The following CFAP299 variants were observed in gnomAD, a reference collection of about 807,000 sequenced individuals.
CFAP299 encodes cilia- and flagella-associated protein 299.
Under a neutral mutation model 27.0 loss-of-function variants are expected in CFAP299, and 21 were observed. The observed-to-expected ratio is 0.78, with a 90% CI of 0.55 to 1.12. The LOEUF is 1.12. CFAP299 is among the 50% of genes most tolerant of loss of function. The pLI is 0.00. For missense variants in CFAP299, 310 were observed against 276.6 expected (o/e 1.12, Z -0.86); for synonymous variants, 104 against 98.1 (o/e 1.06, Z -0.36).
chr4:80,792,133 T>G (rs1369654860), intron 3 of CFAP299, among the ~76,000 whole-genome samples: 5 of 152,082 alleles, frequency 3.3e-5, no homozygotes, highest in African/African-American at 1.2e-4. Context: ...AGCCACTGTG[T>G]GTAAATATTA....
At chr4:80,370,592 C>T (rs1560534053) in intron 2 of CFAP299, among the ~76,000 whole-genome samples, 2 of 152,248 alleles carry the variant, frequency 1.3e-5, no homozygotes, top group South Asian at 2.1e-4. Context: ...AGAAATCGGC[C>T]AAAAGAAAGG....
At chr4:80,570,679 A>T (rs1371686870) in intron 2 of CFAP299, among the ~76,000 whole-genome samples, 1 of 152,122 alleles carries the variant, frequency 6.6e-6, no homozygotes, top group Non-Finnish European at 1.5e-5. Context: ...TTTGGAAACA[A>T]GTGGCTTTAT....
chr4:80,959,987 G>T (rs1283697382), intron 5 of CFAP299, among the ~76,000 whole-genome samples: 1 of 151,740 alleles, frequency 6.6e-6, no homozygotes, highest in Non-Finnish European at 1.5e-5. Context: ...TATATGTGAG[G>T]AAACTGTTCT....
chr4:80,339,066 C>T (rs1722306863), intron 1 of CFAP299, among the ~76,000 whole-genome samples: 1 of 152,176 alleles, frequency 6.6e-6, no homozygotes, highest in South Asian at 2.1e-4. Flanking sequence ...ATAATTTATT[C>T]CCTGCCATCT....
intron 3 of CFAP299, among the ~76,000 whole-genome samples, chr4:80,799,406 T>TTATATAATATTTATATATATAA (rs1728122087): frequency 1.2e-5 from 1 of 86,900 alleles, no homozygotes; most frequent in Non-Finnish European, 2.0e-5. Flanking sequence ...TATATATATT[T>TTATATAATATTTATATATATAA]ATACATATAA....
At chr4:80,889,889 A>G (rs1433888035) in intron 4 of CFAP299, among the ~76,000 whole-genome samples, 5 of 152,166 alleles carry the variant, frequency 3.3e-5, no homozygotes, top group Non-Finnish European at 5.9e-5. Context: ...AGTCATTTCA[A>G]TTGATGCTGA....
At chr4:80,393,665 A>G (rs748376277) in intron 2 of CFAP299, among the ~76,000 whole-genome samples, 32 of 152,168 alleles carry the variant, frequency 2.1e-4, no homozygotes, top group Admixed American at 3.3e-4. Flanking sequence ...AGGCTATACC[A>G]TATAGTTTAG....
intron 2 of CFAP299, chr4:80,386,528 C>A: frequency 6.3e-7 from 1 of 1,582,106 alleles, no homozygotes; most frequent in South Asian, 1.1e-5. Context: ...GGGGGGGTGC[C>A]GCCGGGTTTG....
chr4:80,801,168 C>T (rs1234185754), intron 3 of CFAP299, among the ~76,000 whole-genome samples: 4 of 151,394 alleles, frequency 2.6e-5, no homozygotes, highest in Non-Finnish European at 5.9e-5. Flanking sequence ...ACACTCAGTA[C>T]TGACCATCAC....
chr4:80,729,541 C>T (rs1052928379), intron 3 of CFAP299, among the ~76,000 whole-genome samples: 7 of 149,358 alleles, frequency 4.7e-5, no homozygotes, highest in South Asian at 2.1e-4. Flanking sequence ...TTATAAGCAG[C>T]GTTTGGAACA....
chr4:80,471,864 T>G (rs1471147131), intron 2 of CFAP299, among the ~76,000 whole-genome samples: 2 of 152,106 alleles, frequency 1.3e-5, no homozygotes, highest in Non-Finnish European at 2.9e-5. Context: ...ACACCTGTGT[T>G]TACATTGAGG....
chr4:80,371,208 C>G (rs1025283607), intron 2 of CFAP299, among the ~76,000 whole-genome samples: 3 of 152,170 alleles, frequency 2.0e-5, no homozygotes, highest in Non-Finnish European at 4.4e-5. Flanking sequence ...GTTTGGGATG[C>G]AGGGACTGGT....
chr4:80,929,262 A>C (rs546291596), intron 4 of CFAP299, among the ~76,000 whole-genome samples: 1 of 151,408 alleles, frequency 6.6e-6, no homozygotes, highest in South Asian at 2.1e-4. Flanking sequence ...CTATGGCACC[A>C]CTACTCATCC....
At chr4:80,718,682 C>A (rs1320815747) in intron 3 of CFAP299, among the ~76,000 whole-genome samples, 2 of 151,806 alleles carry the variant, frequency 1.3e-5, no homozygotes, top group African/African-American at 4.8e-5. Context: ...CAAAACAATA[C>A]AATTAGAAAT....
At chr4:80,418,739 T>C (rs1156583444) in intron 2 of CFAP299, among the ~76,000 whole-genome samples, 1 of 152,202 alleles carries the variant, frequency 6.6e-6, no homozygotes, top group Non-Finnish European at 1.5e-5. Context: ...AGAGAAAGCA[T>C]GCAGTATTTG....
intron 3 of CFAP299, among the ~76,000 whole-genome samples, chr4:80,671,974 T>C (rs996284207): frequency 1.3e-5 from 2 of 152,230 alleles, no homozygotes; most frequent in African/African-American, 4.8e-5. Context: ...CTTCCTCTTT[T>C]CCTAATTGAG....
chr4:80,659,219 T>C (rs950375009), intron 3 of CFAP299, among the ~76,000 whole-genome samples: 1 of 151,962 alleles, frequency 6.6e-6, no homozygotes, highest in Non-Finnish European at 1.5e-5. Context: ...AAGAGTATAC[T>C]TATGACTTCC....
intron 3 of CFAP299, among the ~76,000 whole-genome samples, chr4:80,677,829 G>A (rs535236607): frequency 1.3e-5 from 2 of 152,088 alleles, no homozygotes; most frequent in East Asian, 3.9e-4. Flanking sequence ...AATTCTTCAT[G>A]TGTGGCATTA....
chr4:80,723,786 C>A (rs1722982366), intron 3 of CFAP299, among the ~76,000 whole-genome samples: 1 of 151,010 alleles, frequency 6.6e-6, no homozygotes, highest in Non-Finnish European at 1.5e-5. Context: ...AATATCTATA[C>A]CAAAGAAACC....
Sources: gnomAD v4.1 joint callset for allele counts (sites outside exome capture counted in the v4.1 genomes callset) on GRCh38, gnomAD v4.1.1 for gene constraint, MANE v1.5 for transcripts, NCBI Gene and HGNC (gene_info 2026-07-23, HGNC 2026-07-21) for gene names.